CMIP: variants seen among roughly 807,000 people sequenced by gnomAD.
CMIP encodes the protein C-Maf-inducing protein.
A neutral mutation model predicts 97.3 loss-of-function variants in CMIP; 13 were observed. The ratio of observed to expected loss-of-function variants is 0.13; its 90% CI spans 0.09 to 0.21. The LOEUF is 0.21. Among genes scored for constraint, CMIP ranks in the 10% least tolerant of loss-of-function variants. CMIP has a pLI of 1.00. For synonymous variants in CMIP, 538 were observed against 436.3 expected, an observed-to-expected ratio of 1.23 and a Z score of -2.91; for missense variants, 847 against 1,024.9, an observed-to-expected ratio of 0.83 and a Z score of 2.37.
chr16:81,479,641 C>CT (rs1013158465), intron 1 of CMIP, among the ~76,000 whole-genome samples: 6 of 151,896 alleles, frequency 4.0e-5, no homozygotes, highest in African/African-American at 1.5e-4. Flanking sequence ...TATTATTTTG[C>CT]TTTTTTTGTT....
intron 1 of CMIP, among the ~76,000 whole-genome samples, chr16:81,585,385 A>G (rs544159670): frequency 6.6e-6 from 1 of 152,200 alleles, no homozygotes; most frequent in Non-Finnish European, 1.5e-5. Flanking sequence ...CATTTAGTAC[A>G]TTTATAATGT....
At chr16:81,680,136 C>T (rs1004416970) in intron 10 of CMIP, among the ~76,000 whole-genome samples, 2 of 152,192 alleles carry the variant, frequency 1.3e-5, no homozygotes, top group African/African-American at 2.4e-5. Flanking sequence ...CCAGGGCTCC[C>T]GGGGCCCTCA....
chr16:81,682,777 A>G (rs754860400), intron 10 of CMIP, among the ~76,000 whole-genome samples: 57 of 152,338 alleles, frequency 3.7e-4, no homozygotes, highest in Non-Finnish European at 5.6e-4. Flanking sequence ...GCGTGTTCCC[A>G]TAGGAAGGCC....
chr16:81,488,141 A>G (rs1419919451), intron 1 of CMIP, among the ~76,000 whole-genome samples: 2 of 151,580 alleles, frequency 1.3e-5, no homozygotes, highest in Non-Finnish European at 2.9e-5. Context: ...TGACCTTAGC[A>G]TACTAAAGAT....
intron 1 of CMIP, among the ~76,000 whole-genome samples, chr16:81,521,679 T>C (rs1165224243): frequency 6.6e-6 from 1 of 152,202 alleles, no homozygotes; most frequent in Non-Finnish European, 1.5e-5. Context: ...TCTTGTGTAT[T>C]TGTAGACAGA....
At chr16:81,695,217 T>C (rs1256742722) in intron 13 of CMIP, among the ~76,000 whole-genome samples, 1 of 152,238 alleles carries the variant, frequency 6.6e-6, no homozygotes, top group East Asian at 1.9e-4. Flanking sequence ...TTCTTTTCTC[T>C]GCTGATTCTC....
chr16:81,487,559 G>C (rs764773728), intron 1 of CMIP, among the ~76,000 whole-genome samples: 1 of 152,232 alleles, frequency 6.6e-6, no homozygotes, highest in Non-Finnish European at 1.5e-5. Flanking sequence ...CTCCCAAGGC[G>C]AAGGAAGCCA....
chr16:81,454,509 T>C (rs989811459), intron 1 of CMIP, among the ~76,000 whole-genome samples: 17 of 152,230 alleles, frequency 1.1e-4, no homozygotes, highest in African/African-American at 4.1e-4. Context: ...TTTGTGATTT[T>C]GTCAAAAAAG....
At chr16:81,567,197 G>T (rs2090998012) in intron 1 of CMIP, among the ~76,000 whole-genome samples, 1 of 152,270 alleles carries the variant, frequency 6.6e-6, no homozygotes. Flanking sequence ...CCACATCGAA[G>T]TCCGAGGCTT....
intron 10 of CMIP, 23 bp downstream of exon 10, chr16:81,678,651 C>G (rs746217135): frequency 2.5e-6 from 3 of 1,209,488 alleles, no homozygotes; most frequent in Non-Finnish European, 2.4e-6. Flanking sequence ...CCCGCGTGCC[C>G]GCCCCCGGGG....
rs192484243 is a variant in CMIP at position 81,530,513 on chromosome 16, C to G, written c.301-77054C>G. Among the ~76,000 whole-genome samples, 29 of 152,228 alleles carry G rather than the reference C, an allele frequency of 1.9e-4. No homozygotes were observed. The East Asian group carries it at 5.6e-3, about 29-fold the overall frequency. On this transcript the variant is annotated intron_variant, in intron 1 of 20. Coordinates refer to ENST00000537098, the MANE Select transcript of CMIP (RefSeq NM_198390.3). ...CGGTGTAGCCCGTCTGAGTCAGTGA[C>G]TCACCTGGCACCCCTGGCAGCTGAC...
intron 3 of CMIP, among the ~76,000 whole-genome samples, chr16:81,624,004 A>C (rs2092026123): frequency 6.6e-6 from 1 of 152,108 alleles, no homozygotes; most frequent in Non-Finnish European, 1.5e-5. Context: ...CCCTCCCAGG[A>C]CATAACCCCT....
At chr16:81,582,413 G>A (rs544211592) in intron 1 of CMIP, among the ~76,000 whole-genome samples, 1 of 152,316 alleles carries the variant, frequency 6.6e-6, no homozygotes, top group African/African-American at 2.4e-5. Flanking sequence ...GAGAAGGGAT[G>A]TGTGGGGACT....
chr16:81,583,387 G>A (rs542799450), intron 1 of CMIP, among the ~76,000 whole-genome samples: 2 of 152,356 alleles, frequency 1.3e-5, no homozygotes, highest in Admixed American at 6.5e-5. Context: ...GAATGGGATC[G>A]GCCACTGATC....
intron 1 of CMIP, among the ~76,000 whole-genome samples, chr16:81,498,518 G>C (rs1294638280): frequency 2.0e-5 from 3 of 152,190 alleles, no homozygotes; most frequent in Non-Finnish European, 4.4e-5. Context: ...GGGTTATCAG[G>C]CCTCTGCTCC....
intron 1 of CMIP, among the ~76,000 whole-genome samples, chr16:81,463,602 C>A (rs1329660694): frequency 6.6e-6 from 1 of 152,206 alleles, no homozygotes; most frequent in African/African-American, 2.4e-5. Flanking sequence ...GTACCGATTG[C>A]CAGGGCTGGA....
chr16:81,542,974 C>G (rs868452680), intron 1 of CMIP, among the ~76,000 whole-genome samples: 40 of 152,234 alleles, frequency 2.6e-4, no homozygotes, highest in African/African-American at 9.2e-4. Context: ...TGGCTTCACT[C>G]TCTGGGGGAT....
intron 1 of CMIP, among the ~76,000 whole-genome samples, chr16:81,459,521 T>C (rs1334338429): frequency 6.6e-6 from 1 of 152,234 alleles, no homozygotes; most frequent in East Asian, 1.9e-4. Flanking sequence ...TAAGATATTA[T>C]TGGTGGTTTT....
In CMIP at chr16:81,500,434, T is replaced by C. The variant is rs373095755; in HGVS notation, c.300+54893T>C. On this transcript the variant is annotated intron_variant, in intron 1 of 20. Coordinates refer to ENST00000537098, the MANE Select transcript of CMIP (RefSeq NM_198390.3). ...CCCTCCTCCCTCCCCTCCCTCCCTC[T>C]CTCTCTCTCCCTTCCTCCCTCCCTC... Among the ~76,000 whole-genome samples the C allele has an allele frequency of 4.0e-3, 427 of 106,874 alleles. 1 individual carries two copies. The highest frequency in any genetic ancestry group is 0.015 in the African/African-American group (406 of 27,664). 70.1% of individuals were successfully genotyped at this position (106,874 alleles called of 152,430 possible).
Sources: allele counts gnomAD v4.1 joint callset (sites outside exome capture counted in the v4.1 genomes callset), GRCh38; gene constraint gnomAD v4.1.1; transcripts MANE v1.5; gene names NCBI Gene and HGNC (gene_info 2026-07-23, HGNC 2026-07-21).